SIL1: variants seen among roughly 807,000 people sequenced by gnomAD.
SIL1 encodes SIL1 nucleotide exchange factor.
In SIL1, 40 loss-of-function variants were observed where a neutral mutation model predicts 49.1. The ratio of observed to expected loss-of-function variants is 0.81; its 90% CI spans 0.63 to 1.06. The LOEUF (loss-of-function observed/expected upper bound fraction) is 1.06, where lower values mean the gene tolerates loss of function less well. Ranked by LOEUF, SIL1 falls within the 50% of genes least tolerant of loss-of-function variation. SIL1 has a pLI of 0.00. For synonymous variants in SIL1, 253 were observed against 250.8 expected (o/e 1.01, Z -0.08); for missense variants, 500 against 572.6 (o/e 0.87, Z 1.29).
chr5:139,171,563 C>T (rs12153010), intron 1 of SIL1, among the ~76,000 whole-genome samples: 52,897 of 151,674 alleles, frequency 0.35, 11,539 homozygotes, highest in South Asian at 0.51. Flanking sequence ...ACAAACACTG[C>T]GGAAGGCCAC....
intron 1 of SIL1, among the ~76,000 whole-genome samples, chr5:139,147,836 A>T (rs1398465790): frequency 6.6e-6 from 1 of 152,228 alleles, no homozygotes; most frequent in African/African-American, 2.4e-5. Flanking sequence ...TTAGTTGCTT[A>T]ATTAAATTCC....
At chr5:139,123,184 C>T (rs1475125370) in intron 2 of SIL1, among the ~76,000 whole-genome samples, 4 of 152,120 alleles carry the variant, frequency 2.6e-5, no homozygotes, top group Admixed American at 6.5e-5. Flanking sequence ...GCCTCAAACC[C>T]CTCCTATCCC....
At chr5:139,098,761 A>G (rs1770522000) in intron 3 of SIL1, among the ~76,000 whole-genome samples, 1 of 151,414 alleles carries the variant, frequency 6.6e-6, no homozygotes, top group Non-Finnish European at 1.5e-5. Context: ...CAAACTTAAT[A>G]ATTCCATCAA....
At chr5:139,024,649 T>C (rs1007315690) in intron 6 of SIL1, among the ~76,000 whole-genome samples, 4 of 152,248 alleles carry the variant, frequency 2.6e-5, no homozygotes, top group Admixed American at 1.3e-4. Context: ...TGGGCCACTG[T>C]TGCCCCTAGT....
chr5:139,157,161 ATGTTC>A (rs1481771195), intron 1 of SIL1, among the ~76,000 whole-genome samples: 1 of 152,216 alleles, frequency 6.6e-6, no homozygotes, highest in Non-Finnish European at 1.5e-5. Context: ...TATCTTCTTG[ATGTTC>A]TAATTATCAG....
intron 1 of SIL1, among the ~76,000 whole-genome samples, chr5:139,142,962 G>T (rs1751109925): frequency 6.6e-6 from 1 of 151,842 alleles, no homozygotes; most frequent in Non-Finnish European, 1.5e-5. Context: ...AGTAGACAGG[G>T]TTTCACTGTG....
intron 1 of SIL1, among the ~76,000 whole-genome samples, chr5:139,129,160 A>T (rs1038500734): frequency 6.6e-6 from 1 of 152,206 alleles, no homozygotes; most frequent in Non-Finnish European, 1.5e-5. Context: ...AAGTAAAAGA[A>T]GAAAGTTAGA....
intron 1 of SIL1, among the ~76,000 whole-genome samples, chr5:139,150,775 T>C (rs769005082): frequency 9.8e-5 from 15 of 152,316 alleles, no homozygotes; most frequent in Non-Finnish European, 1.6e-4. Flanking sequence ...GGGGAAGGTC[T>C]GGTGCTGGCG....
At chr5:139,051,182 C>T in intron 3 of SIL1, 136 bp from the exon 4 acceptor site, 1 of 742,204 alleles carries the variant, frequency 1.3e-6, no homozygotes. Flanking sequence ...TCAATCCACC[C>T]ATCCCTCTCC....
chr5:138,961,952 C>CTT lies in SIL1; in HGVS notation c.768-10070_768-10069dup, dbSNP rs10593901. Among the ~76,000 whole-genome samples the CTT allele has an allele frequency of 2.8e-3, 341 of 119,734 alleles. 1 individual carries two copies. The highest frequency in any genetic ancestry group is 0.015 in the Middle Eastern group (3 of 200). The allele number at this position is 119,734 out of a possible 152,430, so 78.6% of individuals were successfully genotyped here. A position where few individuals can be genotyped will look rare whatever the true frequency, so the allele number is the denominator to read the frequency against. On this transcript the variant is annotated intron_variant, in intron 7 of 9. Transcript: ENST00000394817. ...TCACTTTCTGCTGATGTTCTCTAGA[C>CTT]TTTTTTTTTTTTTTTTTTTTTACCA...
chr5:138,983,247 A>G (rs1269199730), intron 7 of SIL1, among the ~76,000 whole-genome samples: 3 of 137,048 alleles, frequency 2.2e-5, no homozygotes, highest in African/African-American at 2.7e-5. Flanking sequence ...GGTGGCTCAC[A>G]CCTGTCATCC....
intron 1 of SIL1, among the ~76,000 whole-genome samples, chr5:139,148,255 G>A (rs1751230083): frequency 6.6e-6 from 1 of 152,160 alleles, no homozygotes; most frequent in African/African-American, 2.4e-5. Flanking sequence ...GGTAGGGTCA[G>A]GGGGCCCTGC....
intron 1 of SIL1, among the ~76,000 whole-genome samples, chr5:139,150,245 G>C (rs1430526339): frequency 6.6e-6 from 1 of 152,138 alleles, no homozygotes; most frequent in Non-Finnish European, 1.5e-5. Flanking sequence ...TGGGTGATAT[G>C]CCTGCTGTAC....
In SIL1 at chr5:139,112,964, C is replaced by A. The variant is rs1019674107; in HGVS notation, c.244+8071G>T. On this transcript the variant is annotated intron_variant, in intron 3 of 9. Coordinates refer to ENST00000394817, the MANE Select transcript of SIL1 (RefSeq NM_022464.5). ...TTGTTCTGTACTAAGAAAGATTCTT[C>A]TGCCTTGGGATGCTGTTCATCTATG... Among the ~76,000 whole-genome samples, 5 of 152,366 alleles carry A rather than the reference C, an allele frequency of 3.3e-5. No homozygotes were observed. In the East Asian group the frequency reaches 9.6e-4, roughly 29 times the overall value.
chr5:139,012,938 C>T (rs1768317636), intron 7 of SIL1, among the ~76,000 whole-genome samples: 1 of 152,202 alleles, frequency 6.6e-6, no homozygotes, highest in Non-Finnish European at 1.5e-5. Flanking sequence ...TTGGGTGATA[C>T]AGCAAGATCT....
rs549983824 is a variant in SIL1 at position 138,953,986 on chromosome 5, C to T, written c.768-2102G>A. 8.5e-5 allele frequency among the ~76,000 whole-genome samples: 13 copies of T among 152,360 alleles called. 1 individual carries two copies. The highest frequency in any genetic ancestry group is 8.5e-4 in the Admixed American group (13 of 15,310). On this transcript the variant is annotated intron_variant, in intron 7 of 9. Transcript: ENST00000394817. ...AAAGCTCATCACAGCACCCCATCAT[C>T]GCAGCCTCAGTTAATCACCCAGGGC...
At chr5:139,109,780 CTT>C (rs67556338) in intron 3 of SIL1, among the ~76,000 whole-genome samples, 82 of 130,898 alleles carry the variant, frequency 6.3e-4, no homozygotes, top group Non-Finnish European at 8.7e-4. Context: ...TCCCCTCTGT[CTT>C]TTTTTTTTTT....
intron 7 of SIL1, among the ~76,000 whole-genome samples, chr5:139,007,784 A>G (rs1768156416): frequency 7.0e-6 from 1 of 143,668 alleles, no homozygotes; most frequent in Non-Finnish European, 1.5e-5. Context: ...CGTATATTGA[A>G]CCAGCCTTGC....
intron 3 of SIL1, among the ~76,000 whole-genome samples, chr5:139,100,528 G>A (rs1770564102): frequency 6.6e-6 from 1 of 152,212 alleles, no homozygotes; most frequent in Non-Finnish European, 1.5e-5. Flanking sequence ...AGGAAGGCAT[G>A]GTAGAAGGAT....
Sources: allele counts gnomAD v4.1 joint callset (sites outside exome capture counted in the v4.1 genomes callset), GRCh38; gene constraint gnomAD v4.1.1; transcripts MANE v1.5; gene names NCBI Gene and HGNC (gene_info 2026-07-23, HGNC 2026-07-21).